Variants in LMNTD1 observed in about 807,000 individuals in gnomAD.
LMNTD1 encodes lamin tail domain-containing protein 1.
Under a neutral mutation model 50.9 loss-of-function variants are expected in LMNTD1, and 35 were observed. That is an observed-to-expected ratio of 0.69 (90% CI 0.53 to 0.91). LMNTD1 has a LOEUF of 0.91. Ranked by LOEUF, LMNTD1 falls within the 40% of genes least tolerant of loss-of-function variation. The probability of loss-of-function intolerance (pLI) is 0.00; values close to 1 mark genes in which losing one functional copy is unlikely to be tolerated. For synonymous variants in LMNTD1, 153 were observed against 161.9 expected, an observed-to-expected ratio of 0.94 and a Z score of 0.42; for missense variants, 470 against 475.5, an observed-to-expected ratio of 0.99 and a Z score of 0.11.
upstream of LMNTD1, among the ~76,000 whole-genome samples, chr12:25,558,202 A>G (rs1053469521): frequency 6.6e-6 from 1 of 152,066 alleles, no homozygotes; most frequent in Non-Finnish European, 1.5e-5. Context: ...AGGTTTGTCA[A>G]TTTTGTTTAA....
intron 1 of LMNTD1, among the ~76,000 whole-genome samples, chr12:25,575,230 T>A (rs1307338042): frequency 6.6e-6 from 1 of 152,114 alleles, no homozygotes; most frequent in Non-Finnish European, 1.5e-5. Flanking sequence ...TTTTTATTTC[T>A]CAACCTTTGC....
intron 8 of LMNTD1, among the ~76,000 whole-genome samples, chr12:25,511,793 C>T (rs1255018133): frequency 2.0e-5 from 3 of 152,152 alleles, no homozygotes; most frequent in Admixed American, 1.3e-4. Context: ...TCTGGACTAA[C>T]ACCTCAATTT....
intron 1 of LMNTD1, among the ~76,000 whole-genome samples, chr12:25,562,400 A>T (rs1040967096): frequency 1.1e-4 from 16 of 152,172 alleles, no homozygotes; most frequent in Admixed American, 5.9e-4. Context: ...TATGAAGCTT[A>T]GTTTGGCTGG....
chr12:25,537,023 C>G (rs1942645157), intron 4 of LMNTD1, among the ~76,000 whole-genome samples: 1 of 152,222 alleles, frequency 6.6e-6, no homozygotes. Flanking sequence ...TTCTGACGGG[C>G]TTAAAAAACG....
intron 1 of LMNTD1, among the ~76,000 whole-genome samples, chr12:25,594,892 T>A (rs1021024524): frequency 6.6e-6 from 1 of 152,098 alleles, no homozygotes; most frequent in Non-Finnish European, 1.5e-5. Flanking sequence ...GAAAAAGACA[T>A]TCCATGCAAA....
At chr12:25,579,954 T>C (rs1945208327) in intron 1 of LMNTD1, among the ~76,000 whole-genome samples, 1 of 152,184 alleles carries the variant, frequency 6.6e-6, no homozygotes, top group South Asian at 2.1e-4. Context: ...TTGGGTTCTC[T>C]GATACCCAGA....
chr12:25,591,473 C>T (rs552775055), intron 1 of LMNTD1, among the ~76,000 whole-genome samples: 1 of 152,104 alleles, frequency 6.6e-6, no homozygotes, highest in East Asian at 1.9e-4. Context: ...GGTTTGAGTG[C>T]CATCTCAGCT....
At chr12:25,619,250 CTCTATATATA>C (rs1320667909) in intron 1 of LMNTD1, among the ~76,000 whole-genome samples, 38 of 79,412 alleles carry the variant, frequency 4.8e-4, no homozygotes, top group South Asian at 8.7e-4. Flanking sequence ...CTCTCTCTCT[CTCTATATATA>C]TATATATATA....
At chr12:25,553,854 T>G (rs760319560), upstream of LMNTD1, among the ~76,000 whole-genome samples, 10 of 152,216 alleles carry the variant, frequency 6.6e-5, no homozygotes, top group Non-Finnish European at 1.5e-4. Context: ...ATATAAATGA[T>G]GATTACTGGA....
chr12:25,549,674 C>A, intron 2 of LMNTD1, 128 bp from the exon 3 acceptor site: 1 of 458,622 alleles, frequency 2.2e-6, no homozygotes. Context: ...CCAACACAAG[C>A]ACAATAACAT....
intron 2 of LMNTD1, among the ~76,000 whole-genome samples, chr12:25,551,573 T>C (rs1943747106): frequency 6.6e-6 from 1 of 152,102 alleles, no homozygotes; most frequent in South Asian, 2.1e-4. Flanking sequence ...AAAAATTTTG[T>C]AGACATGTGG....
intron 2 of LMNTD1, among the ~76,000 whole-genome samples, chr12:25,550,872 T>G (rs1350462819): frequency 6.6e-6 from 1 of 152,204 alleles, no homozygotes; most frequent in Non-Finnish European, 1.5e-5. Flanking sequence ...TTAAAATAAT[T>G]AAATGGCATT....
chr12:25,600,500 A>C (rs147340959), intron 1 of LMNTD1, among the ~76,000 whole-genome samples: 1 of 152,206 alleles, frequency 6.6e-6, no homozygotes, highest in African/African-American at 2.4e-5. Flanking sequence ...CAATCAACAA[A>C]GTGAAGAGAC....
chr12:25,547,346 G>A (rs778425735), intron 3 of LMNTD1: 39 of 176,774 alleles, frequency 2.2e-4, no homozygotes, highest in Non-Finnish European at 3.2e-4. Context: ...CCAAGTTTCC[G>A]TTTTCCTGAA....
chr12:25,507,533 A>G (rs1367349228), intron 8 of LMNTD1, among the ~76,000 whole-genome samples: 1 of 152,192 alleles, frequency 6.6e-6, no homozygotes, highest in African/African-American at 2.4e-5. Flanking sequence ...AGTACAGGGC[A>G]CTTTGGGTGG....
intron 1 of LMNTD1, among the ~76,000 whole-genome samples, chr12:25,618,435 C>A (rs1290403891): frequency 6.6e-6 from 1 of 152,186 alleles, no homozygotes; most frequent in Non-Finnish European, 1.5e-5. Flanking sequence ...TTGATACTTG[C>A]AGTACCTTAG....
intron 1 of LMNTD1, among the ~76,000 whole-genome samples, chr12:25,634,912 A>G (rs188812937): frequency 4.3e-4 from 66 of 152,234 alleles, no homozygotes; most frequent in African/African-American, 1.5e-3. Flanking sequence ...TGAAAACCCT[A>G]AAGACTCCTC....
chr12:25,510,010 C>T (rs1358323580), intron 8 of LMNTD1, among the ~76,000 whole-genome samples: 1 of 152,002 alleles, frequency 6.6e-6, no homozygotes, highest in Non-Finnish European at 1.5e-5. Context: ...TGAAGGTAGC[C>T]CTCCCTAGGA....
intron 8 of LMNTD1, 56 bp downstream of exon 8, chr12:25,518,739 A>G: frequency 3.4e-6 from 5 of 1,479,586 alleles, no homozygotes; most frequent in Non-Finnish European, 4.7e-6. Context: ...ACTAGTTAAC[A>G]CATGTGCATG....
Sources: allele counts gnomAD v4.1 joint callset (sites outside exome capture counted in the v4.1 genomes callset), GRCh38; gene constraint gnomAD v4.1.1; transcripts MANE v1.5; gene names NCBI Gene and HGNC (gene_info 2026-07-23, HGNC 2026-07-21).